The following RECQL5 variants were observed in gnomAD, a reference collection of about 807,000 sequenced individuals.
The protein encoded by RECQL5 is RecQ like helicase 5, also known as ATP-dependent DNA helicase Q5.
In RECQL5, 88 loss-of-function variants were observed where a neutral mutation model predicts 103.4. The observed-to-expected ratio is 0.85, with a 90% CI of 0.72 to 1.02. RECQL5 has a LOEUF of 1.02. RECQL5 is among the 50% of genes least tolerant of loss of function. RECQL5 has a pLI of 0.00. For synonymous variants in RECQL5, 552 were observed against 507.9 expected (o/e 1.09, Z -1.17); for missense variants, 1,232 against 1,284.3 (o/e 0.96, Z 0.62).
At chr17:75,642,623 T>C (rs1037699952) in intron 8 of RECQL5, among the ~76,000 whole-genome samples, 1 of 152,244 alleles carries the variant, frequency 6.6e-6, no homozygotes, top group Non-Finnish European at 1.5e-5. Flanking sequence ...TTCAGAATGA[T>C]GACGATGATC....
At chr17:75,657,896 G>A (rs1292186412) in intron 7 of RECQL5, among the ~76,000 whole-genome samples, 2 of 149,746 alleles carry the variant, frequency 1.3e-5, no homozygotes, top group South Asian at 2.1e-4. Flanking sequence ...AAAAATACAA[G>A]AATTAGCTGG....
chr17:75,632,991 T>C (rs2059247357), intron 8 of RECQL5, among the ~76,000 whole-genome samples: 1 of 152,236 alleles, frequency 6.6e-6, no homozygotes, highest in Non-Finnish European at 1.5e-5. Flanking sequence ...GCAAGGCTGA[T>C]TGCAACACCC....
Position 75,658,424 on chromosome 17 carries a change from A to G in RECQL5, c.1023T>C (p.Ala341=). The G allele has an allele frequency of 6.2e-7, 1 of 1,614,000 alleles. No individual in the cohort carries two copies. The highest frequency in any genetic ancestry group is 8.5e-7 in the Non-Finnish European group (1 of 1,179,914). Residue 341 remains alanine (A), a synonymous_variant, in exon 7 of 20, where the codon GCT becomes GCC. Transcript: ENST00000317905. Reference sequence around the variant, plus strand: ...CCCGGCCAGACTCCTGGTAGTACCCAGCCATAGACTTGGCAATATTCCAAT... The same window carrying G: ...CCCGGCCAGACTCCTGGTAGTACCCGGCCATAGACTTGGCAATATTCCAAT... ...VAHWNIAKSM[A]GYYQESGRAG...
intron 8 of RECQL5, among the ~76,000 whole-genome samples, chr17:75,632,767 A>G (rs1433520875): frequency 2.0e-5 from 3 of 152,216 alleles, no homozygotes; most frequent in Non-Finnish European, 4.4e-5. Flanking sequence ...GGCTCCTTAT[A>G]AACAGCCATT....
chr17:75,645,771 C>T (rs959802728), intron 8 of RECQL5, among the ~76,000 whole-genome samples: 4 of 152,216 alleles, frequency 2.6e-5, no homozygotes, highest in Admixed American at 1.3e-4. Flanking sequence ...CAACCCTGGC[C>T]ACACCTGGGG....
chr17:75,632,739 G>A (rs1004016820), intron 8 of RECQL5, among the ~76,000 whole-genome samples: 5 of 152,248 alleles, frequency 3.3e-5, no homozygotes, highest in Admixed American at 1.3e-4. Flanking sequence ...GGCCGCAAGA[G>A]GGGCCATAGC....
intron 8 of RECQL5, chr17:75,635,867 G>A (rs2059312055): frequency 1.0e-6 from 1 of 985,348 alleles, no homozygotes; most frequent in Admixed American, 6.1e-5. Context: ...GCCTGGGGTT[G>A]GAGTATCAGC....
chr17:75,660,715 C>G (rs181006669), intron 6 of RECQL5, among the ~76,000 whole-genome samples: 116 of 152,332 alleles, frequency 7.6e-4, no homozygotes, highest in Middle Eastern at 3.4e-3. Flanking sequence ...AAGGACAAGC[C>G]TGACAGACTG....
chr17:75,642,255 G>A (rs566016558), intron 8 of RECQL5, among the ~76,000 whole-genome samples: 4 of 152,344 alleles, frequency 2.6e-5, no homozygotes, highest in African/African-American at 9.6e-5. Context: ...ATCCCGAGGT[G>A]CCTCCCCGGG....
chr17:75,650,095 A>G lies in RECQL5; in HGVS notation c.1229+1091T>C, dbSNP rs979168921. The G allele has an allele frequency of 9.1e-6, 9 of 985,650 alleles. No individual in the cohort carries two copies. The African/African-American group carries it at 1.6e-4, about 17-fold the overall frequency. The allele number at this position is 985,650 out of a possible 1,614,324, so 61.1% of individuals were successfully genotyped here. A position where few individuals can be genotyped will look rare whatever the true frequency, so the allele number is the denominator to read the frequency against. ...GGAACACTTGGCCCTTTCATTCCTC[A>G]CCAGAAATAAGAGCTCTGCTCAAGA... On this transcript the variant is annotated intron_variant, in intron 8 of 19. Coordinates refer to ENST00000317905, the MANE Select transcript of RECQL5 (RefSeq NM_004259.7).
At chr17:75,656,413 A>T (rs1361801797) in intron 7 of RECQL5, among the ~76,000 whole-genome samples, 3 of 152,324 alleles carry the variant, frequency 2.0e-5, no homozygotes, top group South Asian at 4.1e-4. Context: ...TCGTGTTAAC[A>T]GCTTGTAACA....
In RECQL5 at chr17:75,666,442, A is replaced by T; in HGVS notation, c.116T>A (p.Met39Lys). ...FKTPLQESATMAVVKGNKDVF... is the reference protein window; with the variant it reads ...FKTPLQESATKAVVKGNKDVF... Reference sequence around the variant, plus strand: ...GGTAATGTTACCTTTTACTACAGCCATGGTCGCACTCTCCTGTAAAGGCGT... The same window carrying T: ...GGTAATGTTACCTTTTACTACAGCCTTGGTCGCACTCTCCTGTAAAGGCGT... Residue 39 changes from methionine to lysine, a missense_variant, in exon 2 of 20, where the codon ATG (methionine) becomes AAG (lysine). Physicochemically the swap from Met to Lys is moderately conservative, Grantham distance 95. Coordinates refer to ENST00000317905, the MANE Select transcript of RECQL5 (RefSeq NM_004259.7). 1 of 1,614,066 alleles carries T rather than the reference A, an allele frequency of 6.2e-7. No homozygotes were observed. The highest frequency in any genetic ancestry group is 8.5e-7 in the Non-Finnish European group (1 of 1,180,002).
chr17:75,649,859 C>A, intron 8 of RECQL5: 5 of 985,510 alleles, frequency 5.1e-6, no homozygotes, highest in Non-Finnish European at 6.0e-6. Flanking sequence ...GGACCCCAGC[C>A]CCTGGCAACC....
In RECQL5 at chr17:75,661,587, T is replaced by G. The variant is rs755182768; in HGVS notation, c.874+19A>C. On this transcript the variant is annotated intron_variant, in intron 5 of 19. Transcript: ENST00000317905. ...GCCTCTGAGGGTGAAGAGACTCAAGTGGCCTGGGTGCCCCTTACCTGCATG... is the reference window on the plus strand; with the variant it reads ...GCCTCTGAGGGTGAAGAGACTCAAGGGGCCTGGGTGCCCCTTACCTGCATG... 1 of 1,581,420 alleles carries G rather than the reference T, an allele frequency of 6.3e-7. No individual in the cohort carries two copies. The highest frequency in any genetic ancestry group is 1.7e-5 in the Admixed American group (1 of 59,524).
intron 2 of RECQL5, 102 bp from the exon 3 acceptor site, chr17:75,665,274 T>A: frequency 9.3e-7 from 1 of 1,078,452 alleles, no homozygotes; most frequent in Non-Finnish European, 1.4e-6. Flanking sequence ...GCAGAGTGTC[T>A]GGCACATGGG....
intron 4 of RECQL5, 67 bp from the exon 5 acceptor site, chr17:75,661,775 A>C: frequency 8.5e-7 from 1 of 1,173,860 alleles, no homozygotes; most frequent in Non-Finnish European, 1.3e-6. Context: ...AGTGTAATGC[A>C]CCCTGCTCTA....
At chr17:75,642,348 G>A (rs1051761330) in intron 8 of RECQL5, among the ~76,000 whole-genome samples, 2 of 152,178 alleles carry the variant, frequency 1.3e-5, no homozygotes, top group African/African-American at 2.4e-5. Context: ...TGGCCACCTG[G>A]GAGCAGAGCC....
At chr17:75,633,615 C>T in intron 8 of RECQL5, 1 of 1,208,232 alleles carries the variant, frequency 8.3e-7, no homozygotes, top group South Asian at 1.5e-5. Context: ...GAGAGGGCCA[C>T]CAGCTCCCCA....
chr17:75,655,693 G>C (rs1457714627), intron 7 of RECQL5, among the ~76,000 whole-genome samples: 1 of 150,754 alleles, frequency 6.6e-6, no homozygotes, highest in Admixed American at 6.7e-5. Context: ...TTTTGAGACA[G>C]GGTCTCACTT....
Sources: gnomAD v4.1 joint callset for allele counts (sites outside exome capture counted in the v4.1 genomes callset) on GRCh38, gnomAD v4.1.1 for gene constraint, MANE v1.5 for transcripts, NCBI Gene and HGNC (gene_info 2026-07-23, HGNC 2026-07-21) for gene names.